Variants in BNC2 observed in about 807,000 individuals in gnomAD.
BNC2 encodes basonuclin zinc finger protein 2, also known as zinc finger protein basonuclin-2.
BNC2 carries 20 observed loss-of-function variants against 76.3 expected under a neutral mutation model. The ratio of observed to expected loss-of-function variants is 0.26; its 90% CI spans 0.18 to 0.38. The LOEUF (loss-of-function observed/expected upper bound fraction) is 0.38. Ranked by LOEUF, BNC2 falls within the 10% of genes least tolerant of loss-of-function variation. BNC2 has a pLI of 1.00. For missense variants in BNC2, 1,382 were observed against 1,399.8 expected (o/e 0.99, Z 0.20); for synonymous variants, 582 against 514.8 (o/e 1.13, Z -1.77).
chr9:16,854,992 T>A (rs536490779), intron 1 of BNC2, among the ~76,000 whole-genome samples: 1 of 151,916 alleles, frequency 6.6e-6, no homozygotes, highest in African/African-American at 2.4e-5. Context: ...TCCAACCCCA[T>A]AAAGAGATGA....
At chr9:16,468,038 C>CTTTTTTT (rs1414982362) in intron 5 of BNC2, among the ~76,000 whole-genome samples, 1 of 146,178 alleles carries the variant, frequency 6.8e-6, no homozygotes, top group African/African-American at 2.6e-5. Context: ...TTCTTTCTTT[C>CTTTTTTT]TCTTTTTTTT....
intron 1 of BNC2, among the ~76,000 whole-genome samples, chr9:16,867,142 T>A (rs545488503): frequency 6.6e-6 from 1 of 152,166 alleles, no homozygotes; most frequent in African/African-American, 2.4e-5. Flanking sequence ...ACAACATGTA[T>A]GAACATCCAC....
chr9:16,701,432 CATAA>C, intron 3 of BNC2, among the ~76,000 whole-genome samples: 1 of 152,232 alleles, frequency 6.6e-6, no homozygotes, highest in East Asian at 1.9e-4. Flanking sequence ...CTTTTGTAAG[CATAA>C]ATAAGATATC....
At chr9:16,510,579 C>G (rs1822730643) in intron 5 of BNC2, among the ~76,000 whole-genome samples, 1 of 152,200 alleles carries the variant, frequency 6.6e-6, no homozygotes, top group African/African-American at 2.4e-5. Context: ...TCTTCAAATA[C>G]AAGACCTAAA....
chr9:16,780,245 A>AC (rs1312096212), intron 1 of BNC2, among the ~76,000 whole-genome samples: 11,771 of 133,730 alleles, frequency 0.088, 749 homozygotes, highest in East Asian at 0.23. Context: ...CAAAAAAAAA[A>AC]AAAAAAAAAA....
Position 16,409,568 on chromosome 9 carries a change from T to G in BNC2, c.*9421A>C, listed in dbSNP as rs1435753733. ...ATTTTGATACAAATTACAAGAGGTA[T>G]TTGGACAAAATATGAATAAAATTCC... On this transcript the variant is annotated 3_prime_UTR_variant, in exon 7 of 7. Transcript: ENST00000380672. 1 of 152,632 alleles carries G rather than the reference T, an allele frequency of 6.6e-6. No individual in the cohort carries two copies. The highest frequency in any genetic ancestry group is 1.5e-5 in the Non-Finnish European group (1 of 68,036). The allele number at this position is 152,632 out of a possible 1,614,324, so 9.5% of individuals were successfully genotyped here. A position where few individuals can be genotyped will look rare whatever the true frequency, so the allele number is the denominator to read the frequency against.
intron 5 of BNC2, among the ~76,000 whole-genome samples, chr9:16,522,872 TA>T (rs2132095781): frequency 6.6e-6 from 1 of 152,278 alleles, no homozygotes; most frequent in South Asian, 2.1e-4. Context: ...CACTCTGTTT[TA>T]ACCCCCAGCT....
chr9:16,428,389 G>C (rs956822657), intron 6 of BNC2, among the ~76,000 whole-genome samples: 3 of 152,148 alleles, frequency 2.0e-5, no homozygotes, highest in African/African-American at 7.2e-5. Context: ...AATGGGTCTT[G>C]TTTTACTTAC....
At chr9:16,511,573 G>A (rs1822757265) in intron 5 of BNC2, among the ~76,000 whole-genome samples, 1 of 151,172 alleles carries the variant, frequency 6.6e-6, no homozygotes, top group Non-Finnish European at 1.5e-5. Flanking sequence ...GACTATAGGT[G>A]TAAGCCACCA....
At chr9:16,495,126 G>A (rs749817337) in intron 5 of BNC2, among the ~76,000 whole-genome samples, 1 of 152,142 alleles carries the variant, frequency 6.6e-6, no homozygotes, top group Non-Finnish European at 1.5e-5. Flanking sequence ...AGATCCAAGT[G>A]GATAGGGGAT....
chr9:16,501,559 C>G (rs1443750467), intron 5 of BNC2, among the ~76,000 whole-genome samples: 1 of 152,268 alleles, frequency 6.6e-6, no homozygotes, highest in Non-Finnish European at 1.5e-5. Flanking sequence ...GGTTGAGTAG[C>G]TCTTGCAGAG....
intron 1 of BNC2, among the ~76,000 whole-genome samples, chr9:16,868,670 G>A (rs1254531982): frequency 6.6e-6 from 1 of 152,200 alleles, no homozygotes; most frequent in Non-Finnish European, 1.5e-5. Context: ...TTGGTAAAGT[G>A]ATTAGCAATC....
rs1198340023 is a variant in BNC2, at chr9:16,414,692, T to G, written c.*4297A>C. On this transcript the variant is annotated 3_prime_UTR_variant, in exon 7 of 7. Coordinates refer to ENST00000380672, the MANE Select transcript of BNC2 (RefSeq NM_017637.6). ...TAACAGACCAGATACAAGTTAGGAC[T>G]GCTCAGGTCAAGCTGTCAGCAGTTA... The G allele has an allele frequency of 6.6e-6, 1 of 152,216 alleles. No individual in the cohort carries two copies. Among genetic ancestry groups the G allele is most frequent in the Non-Finnish European group, 1.5e-5 (1 of 68,050 alleles). The allele number at this position is 152,216 out of a possible 1,614,324, so 9.4% of individuals were successfully genotyped here. A position where few individuals can be genotyped will look rare whatever the true frequency, so the allele number is the denominator to read the frequency against.
chr9:16,870,496 C>T (rs1036083855), intron 1 of BNC2, 150 bp downstream of exon 1: 4 of 786,138 alleles, frequency 5.1e-6, no homozygotes, highest in Admixed American at 7.1e-5. Context: ...GGTTCTGGTC[C>T]CCGGCCCGCC....
At chr9:16,451,295 A>T (rs1462438542) in intron 5 of BNC2, among the ~76,000 whole-genome samples, 1 of 152,138 alleles carries the variant, frequency 6.6e-6, no homozygotes, top group Non-Finnish European at 1.5e-5. Context: ...GCCAAAAGGT[A>T]CCTGGGTATA....
At chr9:16,659,412 A>G (rs1822036930) in intron 3 of BNC2, among the ~76,000 whole-genome samples, 1 of 151,900 alleles carries the variant, frequency 6.6e-6, no homozygotes, top group Non-Finnish European at 1.5e-5. Flanking sequence ...GATTGAGACC[A>G]TCCTGGCCAA....
At chr9:16,742,529 G>C (rs1337410642) in intron 1 of BNC2, among the ~76,000 whole-genome samples, 1 of 148,810 alleles carries the variant, frequency 6.7e-6, no homozygotes, top group South Asian at 2.1e-4. Flanking sequence ...CACAGACAAA[G>C]ACATTCATCT....
chr9:16,677,578 A>AACACACACATACAC (rs1554706098), intron 3 of BNC2, among the ~76,000 whole-genome samples: 4 of 139,256 alleles, frequency 2.9e-5, no homozygotes, highest in African/African-American at 1.1e-4. Flanking sequence ...GTCTCAAACA[A>AACACACACATACAC]ACACACACAC....
chr9:16,674,196 C>A (rs1480469445), intron 3 of BNC2, among the ~76,000 whole-genome samples: 1 of 152,182 alleles, frequency 6.6e-6, no homozygotes, highest in Non-Finnish European at 1.5e-5. Flanking sequence ...CATATGATTT[C>A]TAATCACAGT....
Sources: gnomAD v4.1 joint callset for allele counts (sites outside exome capture counted in the v4.1 genomes callset) on GRCh38, gnomAD v4.1.1 for gene constraint, MANE v1.5 for transcripts, NCBI Gene and HGNC (gene_info 2026-07-23, HGNC 2026-07-21) for gene names.